The following KRT79 variants were observed in gnomAD, a reference collection of about 807,000 sequenced individuals.
KRT79 encodes keratin, type II cytoskeletal 79.
Under a neutral mutation model 49.0 loss-of-function variants are expected in KRT79, and 51 were observed. The observed-to-expected ratio is 1.04, with a 90% CI of 0.83 to 1.31. KRT79 has a LOEUF of 1.31. Ranked by LOEUF, KRT79 falls within the 40% of genes most tolerant of loss-of-function variation. The pLI, the probability that KRT79 is intolerant of heterozygous loss-of-function variation, is 0.00. For missense variants in KRT79, 728 were observed against 688.0 expected (o/e 1.06, Z -0.65); for synonymous variants, 312 against 286.6 (o/e 1.09, Z -0.90).
Position 52,823,246 on chromosome 12 carries a change from G to A in KRT79, c.1147-10C>T, listed in dbSNP as rs1364945736. The A allele has an allele frequency of 1.2e-6, 2 of 1,612,836 alleles. No homozygotes were observed. The highest frequency in any genetic ancestry group is 1.7e-5 in the Admixed American group (1 of 59,938). ...TCTGCAGCTGCTGACACTGCCCAGG[G>A]GAGAAAGGTGTTGGAAGCACCCTCC... On this transcript the variant is annotated splice_polypyrimidine_tract_variant and intron_variant, in intron 6 of 8. Transcript: ENST00000330553.
In KRT79 at chr12:52,822,043, A is replaced by T; in HGVS notation, c.1437T>A (p.Gly479=). Reference sequence around the variant, plus strand: ...TGCCACCTCCAAAGCTGGCTGCGCCACCTCCGCACACAGTGGTGGAGTTGC... The same window carrying T: ...TGCCACCTCCAAAGCTGGCTGCGCCTCCTCCGCACACAGTGGTGGAGTTGC... The part of the protein sequence containing the change: ...VTGNSTTVCG[G]GAASFGGGIS... The change falls in exon 9 of 9, where the codon GGT becomes GGA. Residue 479 remains glycine, a synonymous_variant. Coordinates refer to ENST00000330553, the MANE Select transcript of KRT79 (RefSeq NM_175834.3). The T allele has an allele frequency of 6.2e-7, 1 of 1,614,100 alleles. No homozygotes were observed. The highest frequency in any genetic ancestry group is 1.6e-4 in the Middle Eastern group (1 of 6,062).
At chr12:52,829,154 C>T (rs983242741) in intron 4 of KRT79, among the ~76,000 whole-genome samples, 9 of 152,156 alleles carry the variant, frequency 5.9e-5, no homozygotes, top group Non-Finnish European at 7.3e-5. Flanking sequence ...GAGGTCCCTG[C>T]GGACCCTAAG....
rs1391038066 is a variant in KRT79 at position 52,821,951 on chromosome 12, A to AC, written c.1528dup (p.Val510GlyfsTer102). 6.2e-7 allele frequency: 1 copy of AC among 1,614,100 alleles called. No homozygotes were observed. Among genetic ancestry groups the AC allele is most frequent in the Admixed American group, 1.7e-5 (1 of 60,020 alleles). The stretch of plus-strand genomic sequence containing the variant: ...GCCCGCAGAGACTGGCCCTCCCTTG[A>AC]CGGTGCTATAGCCCACATTTGTGCT... On this transcript the variant is annotated frameshift_variant, in exon 9 of 9. Transcript: ENST00000330553. LOFTEE classifies it high-confidence loss of function.
intron 4 of KRT79, among the ~76,000 whole-genome samples, chr12:52,825,649 G>A (rs182786702): frequency 2.0e-5 from 3 of 152,342 alleles, no homozygotes; most frequent in Admixed American, 2.0e-4. Context: ...CCATACTGAT[G>A]TAGATGTAGA....
chr12:52,831,732 A>G, intron 1 of KRT79, 106 bp from the exon 2 acceptor site: 2 of 861,062 alleles, frequency 2.3e-6, no homozygotes, highest in Non-Finnish European at 3.7e-6. Flanking sequence ...CAACATAGGG[A>G]CGCTGCAGCC....
chr12:52,832,383 A>C (rs1392144821), intron 1 of KRT79, among the ~76,000 whole-genome samples: 2 of 152,066 alleles, frequency 1.3e-5, no homozygotes, highest in African/African-American at 2.4e-5. Flanking sequence ...CCCAAAAAAA[A>C]CTTTTTTTAA....
At chr12:52,822,959 C>A (rs774871299) in intron 7 of KRT79, 57 bp downstream of exon 7, 36 of 1,541,654 alleles carry the variant, frequency 2.3e-5, no homozygotes, top group Non-Finnish European at 3.1e-5. Context: ...ACTCCCTGGG[C>A]TCTCCCCCAG....
intron 8 of KRT79, 119 bp from the exon 9 acceptor site, chr12:52,822,196 G>C (rs1240522201): frequency 3.1e-6 from 4 of 1,294,026 alleles, no homozygotes; most frequent in Admixed American, 3.9e-5. Context: ...GAAATGGATA[G>C]AGAAGCCCAG....
rs201617351 is a variant in KRT79, at chr12:52,834,104, C to T, written c.157G>A (p.Gly53Ser). 18 of 1,613,256 alleles carry T rather than the reference C, an allele frequency of 1.1e-5. No individual in the cohort carries two copies. The highest frequency in any genetic ancestry group is 4.5e-5 in the East Asian group (2 of 44,836). The change falls in exon 1 of 9, where the codon GGC (glycine) becomes AGC (serine). Residue 53 changes from glycine to serine, a missense_variant. Transcript: ENST00000330553. ...CTTCGGCTGCCAAAGCCACCTGTGC[C>T]GGGGCCACAGTGGGCCCCGCCACCA... ...GSGGGAHCGP[G>S]TGGFGSRSLY...
At chr12:52,822,410 T>A (rs1253983127) in intron 7 of KRT79, 31 bp from the exon 8 acceptor site, 1 of 1,505,808 alleles carries the variant, frequency 6.6e-7, no homozygotes, top group East Asian at 2.3e-5. Flanking sequence ...AGGAGAGCAG[T>A]CAGTTATCCC....
Position 52,834,194 on chromosome 12 carries a change from C to T in KRT79, c.67G>A (p.Gly23Arg), listed in dbSNP as rs560801206. The change falls in exon 1 of 9, where the codon GGA becomes AGA. Residue 23 changes from glycine (G) to arginine (R), a missense_variant. Coordinates refer to ENST00000330553, the MANE Select transcript of KRT79 (RefSeq NM_175834.3). Reference protein sequence around the residue: ...KGGFSSNSASGGSGSQARTSF... With the variant: ...KGGFSSNSASRGSGSQARTSF... ...GTGCGGGCCTGGGACCCACTCCCTCCGCTGGCAGAGTTGGAGCTGAAGCCC... is the reference window on the plus strand; with the variant it reads ...GTGCGGGCCTGGGACCCACTCCCTCTGCTGGCAGAGTTGGAGCTGAAGCCC... 50 of 1,613,844 alleles carry T rather than the reference C, an allele frequency of 3.1e-5. No individual in the cohort carries two copies. The highest frequency in any genetic ancestry group is 1.5e-4 in the African/African-American group (11 of 75,038).
intron 3 of KRT79, 38 bp from the exon 4 acceptor site, chr12:52,830,156 G>A (rs1339298931): frequency 1.2e-6 from 2 of 1,612,170 alleles, no homozygotes; most frequent in Non-Finnish European, 1.7e-6. Context: ...TCAGGCCCCA[G>A]GGATGTCCCC....
intron 4 of KRT79, among the ~76,000 whole-genome samples, chr12:52,825,740 G>A (rs991333995): frequency 6.6e-5 from 10 of 152,200 alleles, no homozygotes; most frequent in African/African-American, 2.4e-4. Flanking sequence ...AAAACTTGTG[G>A]TTTTTGGGAA....
intron 4 of KRT79, among the ~76,000 whole-genome samples, chr12:52,829,354 C>T (rs1056769553): frequency 1.3e-5 from 2 of 152,108 alleles, no homozygotes; most frequent in Admixed American, 6.6e-5. Flanking sequence ...CATTACAAAC[C>T]GGGCAGGAAG....
intron 1 of KRT79, among the ~76,000 whole-genome samples, chr12:52,833,064 G>A (rs574685855): frequency 1.3e-5 from 2 of 152,310 alleles, no homozygotes; most frequent in East Asian, 3.9e-4. Flanking sequence ...AACAGACCAG[G>A]AAATCCCAGC....
Position 52,833,927 on chromosome 12 carries a change from C to G in KRT79, c.334G>C (p.Gly112Arg). 6.2e-7 allele frequency: 1 copy of G among 1,613,788 alleles called. No homozygotes were observed. The highest frequency in any genetic ancestry group is 8.5e-7 in the Non-Finnish European group (1 of 1,179,838). The change falls in exon 1 of 9, where the codon GGG (glycine) becomes CGG (arginine). Residue 112 changes from glycine to arginine, a missense_variant. By Grantham distance (125) the Gly-to-Arg change is moderately radical. Coordinates refer to ENST00000330553, the MANE Select transcript of KRT79 (RefSeq NM_175834.3). ...TTGACAGTGACCTCCTGGATCCCCC[C>G]AGGAGGACAAGCAGGCCCAAACGTC... is the stretch of plus-strand genomic sequence containing the variant. ...RQTFGPACPP[G>R]GIQEVTVNQS...
intron 4 of KRT79, among the ~76,000 whole-genome samples, chr12:52,825,362 T>C (rs912006326): frequency 3.9e-5 from 6 of 152,186 alleles, no homozygotes; most frequent in Non-Finnish European, 7.3e-5. Context: ...CAGGGAATTA[T>C]AATAGAATAA....
At chr12:52,831,342 C>T in intron 2 of KRT79, 64 bp downstream of exon 2, 2 of 1,499,418 alleles carry the variant, frequency 1.3e-6, no homozygotes, top group South Asian at 2.3e-5. Flanking sequence ...GGGTGGCCCT[C>T]TTGGCAGGTT....
At chr12:52,826,090 G>T (rs1397926873) in intron 4 of KRT79, among the ~76,000 whole-genome samples, 1 of 151,756 alleles carries the variant, frequency 6.6e-6, no homozygotes, top group Non-Finnish European at 1.5e-5. Context: ...GACGCATCCT[G>T]CCCCTGCCCT....
Sources: gnomAD v4.1 joint callset for allele counts (sites outside exome capture counted in the v4.1 genomes callset) on GRCh38, gnomAD v4.1.1 for gene constraint, MANE v1.5 for transcripts, NCBI Gene and HGNC (gene_info 2026-07-23, HGNC 2026-07-21) for gene names.